NAGPA: variants seen among roughly 807,000 people sequenced by gnomAD.
NAGPA encodes N-acetylglucosamine-1-phosphodiester alpha-N-acetylglucosaminidase.
Under a neutral mutation model 48.5 loss-of-function variants are expected in NAGPA, and 56 were observed. The observed-to-expected ratio is 1.15, with a 90% confidence interval of 0.93 to 1.44. NAGPA has a LOEUF of 1.44. Ranked by LOEUF, NAGPA falls within the 40% of genes most tolerant of loss-of-function variation. The pLI is 0.00. For synonymous variants in NAGPA, 399 were observed against 315.5 expected (o/e 1.26, Z -2.81); for missense variants, 888 against 735.0 (o/e 1.21, Z -2.41).
chr16:5,033,224 A>G lies in NAGPA; in HGVS notation c.542+49T>C, dbSNP rs1027785859. 4.5e-6 allele frequency: 7 copies of G among 1,548,500 alleles called. No homozygotes were observed. The East Asian group carries it at 7.2e-5, about 16-fold the overall frequency. On this transcript the variant is annotated intron_variant, in intron 2 of 9. Coordinates refer to ENST00000312251, the MANE Select transcript of NAGPA (RefSeq NM_016256.4). The surrounding 1 kb of genome is among the most constrained non-coding windows in gnomAD (Gnocchi z 4.2). ...AACACGGAGGCACGGCTACAACCCA[A>G]ATCTCAGGCCCTCTGCCCTCGACAG...
Position 5,033,376 on chromosome 16 carries a change from C to T in NAGPA, c.439G>A (p.Glu147Lys). The T allele has an allele frequency of 6.3e-7, 1 of 1,597,478 alleles. No homozygotes were observed. The highest frequency in any genetic ancestry group is 8.5e-7 in the Non-Finnish European group (1 of 1,179,458). ...NGGFFRMNSG[E>K]CLGNVVSDER... ...TCGCTCACCACGTTCCCCAGGCACT[C>T]GCCCGAGTTCATGCGGAAGAAGCCG... The change falls in exon 2 of 10, where the codon GAG becomes AAG. Residue 147 changes from glutamate (E) to lysine (K), a missense_variant. Transcript: ENST00000312251. This position sits in a 1 kb window ranked among gnomAD's most constrained non-coding sequence, Gnocchi z 4.2.
chr16:5,033,783 CA>C lies in NAGPA; in HGVS notation c.86+45del, dbSNP rs1399581741. On this transcript the variant is annotated intron_variant, in intron 1 of 9. Transcript: ENST00000312251. The surrounding 1 kb of genome is among the most constrained non-coding windows in gnomAD (Gnocchi z 4.2). ...GGGCTGTCCTCGTGAGCTCGGAGGA[CA>C]GGGGGGACCCCCCGAACCAGGCTGG... 13 of 1,575,428 alleles carry C rather than the reference CA, an allele frequency of 8.3e-6. No homozygotes were observed. Among genetic ancestry groups the C allele is most frequent in the East Asian group, 2.3e-5 (1 of 43,050 alleles).
At position 5,028,431 on chromosome 16, in the gene NAGPA, G is replaced by T. The variant is rs1407048373; in HGVS notation, c.921-246C>A. ...TTTTTTATTTTTTCATAAAGACAGG[G>T]TCTATGTTGCCCACACTGGTCTTAA... On this transcript the variant is annotated intron_variant, in intron 5 of 9. Transcript: ENST00000312251. 2.3e-5 allele frequency: 18 copies of T among 785,584 alleles called. No homozygotes were observed. In the South Asian group the frequency reaches 2.5e-4, roughly 11 times the overall value. The allele number at this position is 785,584 out of a possible 1,614,324, so 48.7% of individuals were successfully genotyped here. A position where few individuals can be genotyped will look rare whatever the true frequency, so the allele number is the denominator to read the frequency against.
At position 5,033,385 on chromosome 16, in the gene NAGPA, T is replaced by G; in HGVS notation, c.430A>C (p.Asn144His). 2.5e-6 allele frequency: 4 copies of G among 1,597,188 alleles called. No homozygotes were observed. The highest frequency in any genetic ancestry group is 2.5e-6 in the Non-Finnish European group (3 of 1,179,370). Residue 144 changes from asparagine to histidine, a missense_variant, in exon 2 of 10, where the codon AAC becomes CAC. Asn to His is a moderately conservative substitution (Grantham distance 68, BLOSUM62 1). Coordinates refer to ENST00000312251, the MANE Select transcript of NAGPA (RefSeq NM_016256.4). The surrounding 1 kb of genome is among the most constrained non-coding windows in gnomAD (Gnocchi z 4.2). ...ACGTTCCCCAGGCACTCGCCCGAGTTCATGCGGAAGAAGCCGCCGTTCTGG... is the reference window on the plus strand; with the variant it reads ...ACGTTCCCCAGGCACTCGCCCGAGTGCATGCGGAAGAAGCCGCCGTTCTGG... The part of the protein sequence containing the change: ...VAQNGGFFRM[N>H]SGECLGNVVS...
rs751285716 is a variant in NAGPA at position 5,033,804 on chromosome 16, G to C, written c.86+25C>G. 18 of 1,559,896 alleles carry C rather than the reference G, an allele frequency of 1.2e-5. No homozygotes were observed. The highest frequency in any genetic ancestry group is 1.6e-5 in the Non-Finnish European group (18 of 1,152,954). On this transcript the variant is annotated intron_variant, in intron 1 of 9. Coordinates refer to ENST00000312251, the MANE Select transcript of NAGPA (RefSeq NM_016256.4). The surrounding 1 kb of genome is among the most constrained non-coding windows in gnomAD (Gnocchi z 4.2). ...AGGACAGGGGGGACCCCCCGAACCAGGCTGGCCCAGGGAGCTGCACTCACC... is the reference window on the plus strand; with the variant it reads ...AGGACAGGGGGGACCCCCCGAACCACGCTGGCCCAGGGAGCTGCACTCACC...
At chr16:5,030,143 C>T (rs1340675709) in intron 4 of NAGPA, 18 of 586,430 alleles carry the variant, frequency 3.1e-5, no homozygotes, top group Non-Finnish European at 5.2e-5. Context: ...GTGACCATTT[C>T]CTTGTATCCT....
rs1046333528 is a variant in NAGPA, at chr16:5,031,578, T to C, written c.682+167A>G. On this transcript the variant is annotated intron_variant, in intron 3 of 9. Transcript: ENST00000312251. ...TATTCTATAACTATTTTTTGTCCTATATATTCAATATAAGCCTATCTTCCT... is the reference window on the plus strand; with the variant it reads ...TATTCTATAACTATTTTTTGTCCTACATATTCAATATAAGCCTATCTTCCT... 8.0e-6 allele frequency: 7 copies of C among 874,996 alleles called. No homozygotes were observed. The Admixed American group carries it at 1.3e-4, about 16-fold the overall frequency. 54.2% of individuals were successfully genotyped at this position (874,996 alleles called of 1,614,324 possible).
chr16:5,027,871 T>G lies in NAGPA; in HGVS notation c.1149A>C (p.Gly383=). ...CTETGCRCDA[G]WTGSNCSEEC... is the part of the protein sequence containing the mutation. The stretch of plus-strand genomic sequence containing the variant: ...CTTCACTGCAGTTGGACCCGGTCCA[T>G]CCGGCATCACAGCGGCAGCCGGCTG... The change falls in exon 7 of 10, where the codon GGA becomes GGC. Residue 383 remains glycine, a synonymous_variant. Coordinates refer to ENST00000312251, the MANE Select transcript of NAGPA (RefSeq NM_016256.4). The G allele has an allele frequency of 6.3e-7, 1 of 1,578,584 alleles. No individual in the cohort carries two copies. The highest frequency in any genetic ancestry group is 8.6e-7 in the Non-Finnish European group (1 of 1,162,018).
chr16:5,033,421 A>C lies in NAGPA; in HGVS notation c.394T>G (p.Cys132Gly), dbSNP rs773180648. The change falls in exon 2 of 10, where the codon TGC (cysteine) becomes GGC (glycine). Residue 132 changes from cysteine to glycine, a missense_variant. Transcript: ENST00000312251. The surrounding 1 kb of genome is among the most constrained non-coding windows in gnomAD (Gnocchi z 4.2). ...AAGCCGCCGTTCTGGGCGACACGGCAGTCGGCCGCCCGCGCCGTCTCCTCC... is the reference window on the plus strand; with the variant it reads ...AAGCCGCCGTTCTGGGCGACACGGCCGTCGGCCGCCCGCGCCGTCTCCTCC... ...TVEETARAAD[C>G]RVAQNGGFFR... 2.5e-6 allele frequency: 4 copies of C among 1,595,470 alleles called. No individual in the cohort carries two copies. In the East Asian group the frequency reaches 8.9e-5, roughly 36 times the overall value.
rs755613116 is a variant in NAGPA at position 5,033,791 on chromosome 16, AC to A, written c.86+37del. ...CTCGTGAGCTCGGAGGACAGGGGGG[AC>A]CCCCCGAACCAGGCTGGCCCAGGGA... On this transcript the variant is annotated intron_variant, in intron 1 of 9. Coordinates refer to ENST00000312251, the MANE Select transcript of NAGPA (RefSeq NM_016256.4). This position sits in a 1 kb window ranked among gnomAD's most constrained non-coding sequence, Gnocchi z 4.2. 3 of 1,565,836 alleles carry A rather than the reference AC, an allele frequency of 1.9e-6. No individual in the cohort carries two copies. The highest frequency in any genetic ancestry group is 8.6e-7 in the Non-Finnish European group (1 of 1,156,970).
At position 5,033,021 on chromosome 16, in the gene NAGPA, G is replaced by A. The variant is rs980180585; in HGVS notation, c.542+252C>T. 1 of 583,258 alleles carries A rather than the reference G, an allele frequency of 1.7e-6. No individual in the cohort carries two copies. The highest frequency in any genetic ancestry group is 3.0e-6 in the Non-Finnish European group (1 of 329,158). 36.1% of individuals were successfully genotyped at this position (583,258 alleles called of 1,614,324 possible). A position where few individuals can be genotyped will look rare whatever the true frequency, so the allele number is the denominator to read the frequency against. On this transcript the variant is annotated intron_variant, in intron 2 of 9. Transcript: ENST00000312251. The surrounding 1 kb of genome is among the most constrained non-coding windows in gnomAD (Gnocchi z 4.2). ...TTTTGTTGATTTTTCTAGTAATGGG[G>A]GAGGGCTGTTAAGGCAAAGACTGTG... is the stretch of plus-strand genomic sequence containing the variant.
At chr16:5,030,141 T>C in intron 4 of NAGPA, 2 of 584,292 alleles carry the variant, frequency 3.4e-6, no homozygotes, top group South Asian at 4.0e-5. Flanking sequence ...TTGTGACCAT[T>C]TCCTTGTATC....
chr16:5,033,711 TC>T lies in NAGPA; in HGVS notation c.103del (p.Asp35ThrfsTer60). The T allele has an allele frequency of 1.2e-6, 2 of 1,603,136 alleles. No homozygotes were observed. Among genetic ancestry groups the T allele is most frequent in the Non-Finnish European group, 1.7e-6 (2 of 1,177,608 alleles). On this transcript the variant is annotated frameshift_variant, in exon 2 of 10. Coordinates refer to ENST00000312251, the MANE Select transcript of NAGPA (RefSeq NM_016256.4). LOFTEE classifies it high-confidence loss of function. This position sits in a 1 kb window ranked among gnomAD's most constrained non-coding sequence, Gnocchi z 4.2. ...CGCGCGTGGATAGGGCAGTAGCAAGTCGTCGTCGCGGGAGGCCCTGCGGGGA... is the reference window on the plus strand; with the variant it reads ...CGCGCGTGGATAGGGCAGTAGCAAGTGTCGTCGCGGGAGGCCCTGCGGGGA... ...GLDSGASRDD[D>X]LLLPYPRARA...
chr16:5,031,941 A>T, intron 2 of NAGPA, 57 bp from the exon 3 acceptor site: 2 of 1,611,636 alleles, frequency 1.2e-6, no homozygotes, highest in Non-Finnish European at 8.5e-7. Context: ...GCAGATAGTC[A>T]GGCTCTTTCT....
chr16:5,030,630 T>A (rs1956081784), intron 3 of NAGPA, 137 bp from the exon 4 acceptor site: 2 of 756,158 alleles, frequency 2.6e-6, no homozygotes, highest in African/African-American at 3.5e-5. Context: ...TCTCCCTGCC[T>A]CCCCTCTGCA....
intron 3 of NAGPA, chr16:5,031,397 T>A (rs974194738): frequency 8.7e-6 from 3 of 346,428 alleles, no homozygotes; most frequent in African/African-American, 6.4e-5. Flanking sequence ...GGTGTGGGGC[T>A]TTGAAACAAG....
At chr16:5,028,592 T>G in intron 5 of NAGPA, 1 of 549,944 alleles carries the variant, frequency 1.8e-6, no homozygotes, top group Non-Finnish European at 3.3e-6. Flanking sequence ...CCCTGGGCCT[T>G]TCACATGTGG....
In NAGPA at chr16:5,027,290, T is replaced by C. The variant is rs367664804; in HGVS notation, c.1264A>G (p.Ser422Gly). Reference sequence around the variant, plus strand: ...GAGGGATAGGTACCTCTGGAGACGCTGCAGTTGCCAGTCTTGGGGTCACAG... The same window carrying C: ...GAGGGATAGGTACCTCTGGAGACGCCGCAGTTGCCAGTCTTGGGGTCACAG... Reference protein sequence around the residue: ...CPCDPKTGNCSVSRVKQCLQP... With the variant: ...CPCDPKTGNCGVSRVKQCLQP... Residue 422 changes from serine to glycine, a missense_variant, in exon 8 of 10, where the codon AGC becomes GGC. Transcript: ENST00000312251. The C allele has an allele frequency of 6.2e-7, 1 of 1,614,218 alleles. No individual in the cohort carries two copies. Among genetic ancestry groups the C allele is most frequent in the South Asian group, 1.1e-5 (1 of 91,090 alleles).
intron 3 of NAGPA, 171 bp from the exon 4 acceptor site, chr16:5,030,664 C>T (rs554785254): frequency 1.7e-4 from 114 of 678,750 alleles, no homozygotes; most frequent in African/African-American, 1.4e-3. Context: ...CCAGGGCAGC[C>T]GGGGGGTCTC....
Sources: gnomAD v4.1 joint callset for allele counts on GRCh38, gnomAD v4.1.1 for gene constraint, Gnocchi (gnomAD v3.1) non-coding constraint, MANE v1.5 for transcripts, NCBI Gene and HGNC (gene_info 2026-07-23, HGNC 2026-07-21) for gene names.